Variants in ABLIM1 observed in about 807,000 individuals in gnomAD.
ABLIM1 encodes actin-binding LIM protein 1.
ABLIM1 carries 40 observed loss-of-function variants against 107.0 expected under a neutral mutation model. The observed-to-expected ratio is 0.37, with a 90% CI of 0.29 to 0.49. The LOEUF (loss-of-function observed/expected upper bound fraction) is 0.49, where lower values mean the gene tolerates loss of function less well. ABLIM1 is among the 20% of genes least tolerant of loss of function. ABLIM1 has a pLI of 0.97. For missense variants in ABLIM1, 857 were observed against 1,008.5 expected, an observed-to-expected ratio of 0.85 and a Z score of 2.04; for synonymous variants, 357 against 357.3, an observed-to-expected ratio of 1.00 and a Z score of 0.01.
chr10:114,696,305 C>G (rs1453557971), intron 1 of ABLIM1, among the ~76,000 whole-genome samples: 1 of 152,202 alleles, frequency 6.6e-6, no homozygotes, highest in African/African-American at 2.4e-5. Context: ...AGTCCAAGAC[C>G]AAAATGATGG....
At chr10:114,445,535 T>A in intron 15 of ABLIM1, 132 bp from the exon 16 acceptor site, 1 of 748,664 alleles carries the variant, frequency 1.3e-6, no homozygotes, top group Non-Finnish European at 2.3e-6. Context: ...AAGTAAACAA[T>A]ACAAGAGAAA....
chr10:114,691,481 T>A (rs2081077681), intron 1 of ABLIM1, among the ~76,000 whole-genome samples: 1 of 152,154 alleles, frequency 6.6e-6, no homozygotes, highest in South Asian at 2.1e-4. Context: ...TCTCACTCCC[T>A]CCCAGTCTGC....
chr10:114,496,811 G>A (rs1462364286), intron 6 of ABLIM1, among the ~76,000 whole-genome samples: 3 of 152,186 alleles, frequency 2.0e-5, no homozygotes, highest in African/African-American at 4.8e-5. Flanking sequence ...AGGCATTGAG[G>A]AGTCGTTCTG....
intron 1 of ABLIM1, among the ~76,000 whole-genome samples, chr10:114,635,665 C>T (rs1055129794): frequency 1.3e-5 from 2 of 152,204 alleles, no homozygotes; most frequent in African/African-American, 4.8e-5. Flanking sequence ...GCTGGGATTG[C>T]AGTGCGCCAC....
chr10:114,478,517 G>C (rs1176118847), intron 8 of ABLIM1, among the ~76,000 whole-genome samples: 1 of 152,210 alleles, frequency 6.6e-6, no homozygotes, highest in African/African-American at 2.4e-5. Context: ...GATAGTGAGA[G>C]AAGTCTCACG....
At chr10:114,711,112 CTA>C (rs1401231313) in intron 1 of ABLIM1, among the ~76,000 whole-genome samples, 1 of 152,228 alleles carries the variant, frequency 6.6e-6, no homozygotes, top group East Asian at 1.9e-4. Context: ...GTCTGAAGAT[CTA>C]TGTTTTCCCC....
intron 2 of ABLIM1, among the ~76,000 whole-genome samples, chr10:114,579,773 C>T (rs1026512326): frequency 2.6e-5 from 4 of 152,170 alleles, no homozygotes; most frequent in African/African-American, 9.7e-5. Flanking sequence ...CCCTGGGCAA[C>T]CCCATTCTAC....
chr10:114,767,836 G>A (rs139436302), intron 1 of ABLIM1, among the ~76,000 whole-genome samples: 5 of 152,270 alleles, frequency 3.3e-5, no homozygotes, highest in African/African-American at 1.2e-4. Flanking sequence ...ACAGGTGAGC[G>A]GGGCGCCGAC....
intron 1 of ABLIM1, among the ~76,000 whole-genome samples, chr10:114,607,167 A>G (rs184053860): frequency 9.9e-5 from 15 of 152,184 alleles, no homozygotes; most frequent in Admixed American, 2.6e-4. Context: ...GGTTCAAGAG[A>G]TTCCTCTGCC....
chr10:114,727,389 G>T lies in ABLIM1; in HGVS notation c.-213+40672C>A, dbSNP rs76901061. 1.0e-2 allele frequency among the ~76,000 whole-genome samples: 1,519 copies of T among 152,242 alleles called. 24 individuals carry two copies. Among genetic ancestry groups the T allele is most frequent in the African/African-American group, 0.033 (1,389 of 41,540 alleles). ...AACAAATGCAAAAAAGTATTTCTCA[G>T]TCATCCAAGAATTGAGAATTTTCCC... On this transcript the variant is annotated intron_variant, in intron 1 of 15. Transcript: ENST00000651092.
At chr10:114,542,158 C>T (rs1281113504) in intron 6 of ABLIM1, among the ~76,000 whole-genome samples, 1 of 152,130 alleles carries the variant, frequency 6.6e-6, no homozygotes, top group Non-Finnish European at 1.5e-5. Flanking sequence ...CCTGTAATCT[C>T]AGCACTTTGG....
chr10:114,671,966 A>C (rs2080275464), intron 1 of ABLIM1, among the ~76,000 whole-genome samples: 1 of 152,080 alleles, frequency 6.6e-6, no homozygotes, highest in African/African-American at 2.4e-5. Flanking sequence ...GGGCTCAAAC[A>C]ATCCTCCCAC....
intron 6 of ABLIM1, among the ~76,000 whole-genome samples, chr10:114,539,772 G>A (rs1287999261): frequency 6.6e-6 from 1 of 152,128 alleles, no homozygotes; most frequent in Admixed American, 6.5e-5. Context: ...GGGAAGAAAT[G>A]CATTCCAAAG....
chr10:114,658,590 A>G (rs1253296141), upstream of ABLIM1, among the ~76,000 whole-genome samples: 1 of 152,226 alleles, frequency 6.6e-6, no homozygotes, highest in Non-Finnish European at 1.5e-5. Context: ...ATATATACAC[A>G]TATTTTATAT....
At chr10:114,489,923 G>C (rs116615833) in intron 7 of ABLIM1, among the ~76,000 whole-genome samples, 6 of 152,164 alleles carry the variant, frequency 3.9e-5, no homozygotes, top group Non-Finnish European at 7.4e-5. Context: ...TTTGTAGCCC[G>C]AATGTGCTGC....
chr10:114,733,483 C>T (rs1435413406), intron 1 of ABLIM1, among the ~76,000 whole-genome samples: 2 of 152,160 alleles, frequency 1.3e-5, no homozygotes, highest in African/African-American at 4.8e-5. Context: ...TTTAATCAGA[C>T]ATGCTAAACA....
intron 6 of ABLIM1, among the ~76,000 whole-genome samples, chr10:114,512,381 G>A (rs780955950): frequency 4.6e-5 from 7 of 152,174 alleles, no homozygotes; most frequent in Non-Finnish European, 8.8e-5. Flanking sequence ...TTGCATTCTC[G>A]AAGTGTGCAA....
intron 6 of ABLIM1, among the ~76,000 whole-genome samples, chr10:114,541,050 T>C (rs1265132329): frequency 6.6e-6 from 1 of 152,034 alleles, no homozygotes; most frequent in Non-Finnish European, 1.5e-5. Context: ...CAGAGGGAAC[T>C]GTAACAGAGA....
At chr10:114,729,621 T>C (rs1406787655) in intron 1 of ABLIM1, among the ~76,000 whole-genome samples, 1 of 152,060 alleles carries the variant, frequency 6.6e-6, no homozygotes, top group African/African-American at 2.4e-5. Context: ...TGGACACAAA[T>C]CCAAGGTGTT....
Sources: gnomAD v4.1 joint callset for allele counts (sites outside exome capture counted in the v4.1 genomes callset) on GRCh38, gnomAD v4.1.1 for gene constraint, MANE v1.5 for transcripts, NCBI Gene and HGNC (gene_info 2026-07-23, HGNC 2026-07-21) for gene names.